The following ATP8A1 variants were observed in gnomAD, a reference collection of about 807,000 sequenced individuals.
ATP8A1 encodes the protein ATPase phospholipid transporting 8A1.
A neutral mutation model predicts 177.7 loss-of-function variants in ATP8A1; 90 were observed. The ratio of observed to expected loss-of-function variants is 0.51; its 90% confidence interval spans 0.43 to 0.60. The LOEUF (loss-of-function observed/expected upper bound fraction) is 0.60. Ranked by LOEUF, ATP8A1 falls within the 20% of genes least tolerant of loss-of-function variation. The pLI, the probability that ATP8A1 is intolerant of heterozygous loss-of-function variation, is 0.00. For synonymous variants in ATP8A1, 493 were observed against 485.9 expected, an observed-to-expected ratio of 1.01 and a Z score of -0.19; for missense variants, 1,072 against 1,392.8, an observed-to-expected ratio of 0.77 and a Z score of 3.67.
chr4:42,456,361 T>A (rs971950610), intron 27 of ATP8A1, among the ~76,000 whole-genome samples: 2 of 152,150 alleles, frequency 1.3e-5, no homozygotes, highest in Non-Finnish European at 2.9e-5. Flanking sequence ...GTCTTCTTAA[T>A]AGTTCTTGAT....
At chr4:42,636,150 A>ACGCGCGCGCGTGCG (rs1175397000) in intron 1 of ATP8A1, among the ~76,000 whole-genome samples, 17 of 31,924 alleles carry the variant, frequency 5.3e-4, no homozygotes, top group Middle Eastern at 0.019. Context: ...ACACACACAC[A>ACGCGCGCGCGTGCG]CACACACGCA....
chr4:42,434,366 T>C (rs1715667373), intron 33 of ATP8A1, among the ~76,000 whole-genome samples: 1 of 152,186 alleles, frequency 6.6e-6, no homozygotes, highest in East Asian at 1.9e-4. Context: ...TAAAAAGCCA[T>C]CTCATAAAGC....
intron 11 of ATP8A1, 92 bp from the exon 12 acceptor site, chr4:42,578,479 G>A (rs1273916167): frequency 7.2e-6 from 10 of 1,388,408 alleles, no homozygotes; most frequent in African/African-American, 5.8e-5. Flanking sequence ...TCCATACTAC[G>A]CAGCTTATTT....
At chr4:42,496,098 T>C (rs1723243636) in intron 24 of ATP8A1, among the ~76,000 whole-genome samples, 1 of 152,168 alleles carries the variant, frequency 6.6e-6, no homozygotes, top group Admixed American at 6.5e-5. Context: ...TTTGGGATTA[T>C]GATAGGTTCC....
At chr4:42,626,018 T>G (rs1216931188) in intron 2 of ATP8A1, 1 of 186,850 alleles carries the variant, frequency 5.4e-6, no homozygotes, top group Non-Finnish European at 1.1e-5. Context: ...GTTAAAGGGC[T>G]CCAGCCCTCC....
chr4:42,489,404 G>A (rs759739050), intron 24 of ATP8A1, among the ~76,000 whole-genome samples: 30 of 152,168 alleles, frequency 2.0e-4, no homozygotes, highest in South Asian at 1.0e-3. Context: ...CTCTAAATTC[G>A]TGACATCAGT....
chr4:42,620,304 A>G (rs1303064183), intron 4 of ATP8A1, among the ~76,000 whole-genome samples: 1 of 152,200 alleles, frequency 6.6e-6, no homozygotes, highest in Non-Finnish European at 1.5e-5. Context: ...ATTTCTAGTC[A>G]ATTTCTTAAC....
intron 21 of ATP8A1, 88 bp downstream of exon 21, chr4:42,524,669 CTCTAAG>C (rs1560420922): frequency 1.4e-6 from 1 of 721,638 alleles, no homozygotes; most frequent in Non-Finnish European, 2.2e-6. Context: ...CTTTAGGAAT[CTCTAAG>C]TCTAATAATA....
At chr4:42,608,316 C>T (rs1195060591) in intron 5 of ATP8A1, among the ~76,000 whole-genome samples, 1 of 142,552 alleles carries the variant, frequency 7.0e-6, no homozygotes, top group Non-Finnish European at 1.5e-5. Context: ...ACCACTGGGG[C>T]CACTGCTGAA....
At chr4:42,656,134 T>A (rs2345659) in intron 1 of ATP8A1, among the ~76,000 whole-genome samples, 25,858 of 152,112 alleles carry the variant, frequency 0.17, 2,719 homozygotes, top group East Asian at 0.39. Context: ...CATCTGTTGC[T>A]CAGTGTTGAC....
At chr4:42,609,079 C>T (rs532129553) in intron 5 of ATP8A1, among the ~76,000 whole-genome samples, 1 of 152,262 alleles carries the variant, frequency 6.6e-6, no homozygotes, top group Admixed American at 6.5e-5. Context: ...ATTCCTCTTT[C>T]AATCATGTAA....
At chr4:42,534,476 T>A (rs868351483) in intron 20 of ATP8A1, among the ~76,000 whole-genome samples, 32 of 151,964 alleles carry the variant, frequency 2.1e-4, no homozygotes, top group Middle Eastern at 3.4e-3. Flanking sequence ...AAAAAGAATT[T>A]AAAAAAAATG....
At chr4:42,496,530 A>G (rs1220582152) in intron 24 of ATP8A1, among the ~76,000 whole-genome samples, 2 of 152,186 alleles carry the variant, frequency 1.3e-5, no homozygotes, top group African/African-American at 4.8e-5. Flanking sequence ...CTTTCTCAAA[A>G]TAAGCAAATT....
chr4:42,436,103 G>A (rs912664277), intron 33 of ATP8A1, among the ~76,000 whole-genome samples: 5 of 152,104 alleles, frequency 3.3e-5, no homozygotes, highest in Admixed American at 2.0e-4. Context: ...ATTGACTCTA[G>A]GGCTGAATAG....
intron 16 of ATP8A1, among the ~76,000 whole-genome samples, chr4:42,555,216 C>G (rs933235979): frequency 3.9e-5 from 5 of 126,750 alleles, no homozygotes; most frequent in Admixed American, 8.2e-5. Context: ...TTCTGCCCCC[C>G]CCTAGAGAAC....
chr4:42,632,748 A>G (rs1738879012), intron 1 of ATP8A1, among the ~76,000 whole-genome samples: 1 of 152,208 alleles, frequency 6.6e-6, no homozygotes, highest in South Asian at 2.1e-4. Context: ...TCTTCCCCGA[A>G]CAGTGTTTCA....
chr4:42,492,186 T>C (rs1408316917), intron 24 of ATP8A1, among the ~76,000 whole-genome samples: 1 of 152,064 alleles, frequency 6.6e-6, no homozygotes, highest in Non-Finnish European at 1.5e-5. Flanking sequence ...GGCATTTAGG[T>C]CCAAACAAAA....
intron 15 of ATP8A1, among the ~76,000 whole-genome samples, chr4:42,567,093 A>T (rs1395345620): frequency 6.6e-6 from 1 of 152,216 alleles, no homozygotes; most frequent in Non-Finnish European, 1.5e-5. Context: ...TGAAAATCTG[A>T]ACTTGGTTGC....
At chr4:42,421,370 G>A (rs1349092584) in intron 35 of ATP8A1, among the ~76,000 whole-genome samples, 1 of 152,148 alleles carries the variant, frequency 6.6e-6, no homozygotes, top group Non-Finnish European at 1.5e-5. Flanking sequence ...ATTGTGAATG[G>A]TTCAGAGCAG....
Sources: allele counts gnomAD v4.1 joint callset (sites outside exome capture counted in the v4.1 genomes callset), GRCh38; gene constraint gnomAD v4.1.1; transcripts MANE v1.5; gene names NCBI Gene and HGNC (gene_info 2026-07-23, HGNC 2026-07-21).